TIAM1: variants seen among roughly 807,000 people sequenced by gnomAD.
TIAM1 encodes rho guanine nucleotide exchange factor TIAM1.
Under a neutral mutation model 163.5 loss-of-function variants are expected in TIAM1, and 65 were observed. The observed-to-expected ratio is 0.40, with a 90% CI of 0.33 to 0.49. The LOEUF (loss-of-function observed/expected upper bound fraction) is 0.49. TIAM1 is among the 20% of genes least tolerant of loss of function. TIAM1 has a pLI of 0.77. For missense variants in TIAM1, 1,789 were observed against 2,044.7 expected, an observed-to-expected ratio of 0.87 and a Z score of 2.41; for synonymous variants, 833 against 810.1, an observed-to-expected ratio of 1.03 and a Z score of -0.48.
At chr21:31,466,938 G>A (rs772130629) in intron 1 of TIAM1, among the ~76,000 whole-genome samples, 13 of 150,096 alleles carry the variant, frequency 8.7e-5, no homozygotes, top group South Asian at 8.4e-4. Context: ...TTTCAAAGTG[G>A]CCTTGTAATG....
intron 2 of TIAM1, among the ~76,000 whole-genome samples, chr21:31,427,888 A>G (rs1382901083): frequency 1.3e-5 from 2 of 152,190 alleles, no homozygotes; most frequent in African/African-American, 4.8e-5. Flanking sequence ...TCTTGTAGAA[A>G]GGGAACGAAA....
At chr21:31,183,842 T>C (rs1378282000) in intron 14 of TIAM1, among the ~76,000 whole-genome samples, 6 of 151,164 alleles carry the variant, frequency 4.0e-5, no homozygotes, top group Non-Finnish European at 7.4e-5. Context: ...TTACAGGCAC[T>C]CACCACCACG....
chr21:31,306,030 G>C (rs920449848), intron 2 of TIAM1, among the ~76,000 whole-genome samples: 3 of 152,138 alleles, frequency 2.0e-5, no homozygotes, highest in Non-Finnish European at 2.9e-5. Flanking sequence ...GAGCACACTT[G>C]AAGGGGTGCC....
At chr21:31,507,571 T>A (rs1007394934) in intron 1 of TIAM1, among the ~76,000 whole-genome samples, 7 of 152,138 alleles carry the variant, frequency 4.6e-5, no homozygotes, top group Admixed American at 6.5e-5. Flanking sequence ...CAAAATATGT[T>A]TTCTTTTTTA....
At chr21:31,429,805 C>T (rs927628837) in intron 2 of TIAM1, among the ~76,000 whole-genome samples, 1 of 106,130 alleles carries the variant, frequency 9.4e-6, no homozygotes, top group Non-Finnish European at 1.9e-5. Flanking sequence ...CAGACATGGG[C>T]TCCACCGCGA....
At chr21:31,536,656 G>T (rs1040053081) in intron 1 of TIAM1, among the ~76,000 whole-genome samples, 1 of 152,244 alleles carries the variant, frequency 6.6e-6, no homozygotes, top group South Asian at 2.1e-4. Flanking sequence ...GCAGAGCTGA[G>T]TGGGCAGGGC....
At chr21:31,153,607 C>A (rs2083478007) in intron 17 of TIAM1, among the ~76,000 whole-genome samples, 1 of 152,158 alleles carries the variant, frequency 6.6e-6, no homozygotes, top group African/African-American at 2.4e-5. Flanking sequence ...ACAAAGACAA[C>A]AGACCTGGCA....
chr21:31,404,812 TGTAA>T (rs1028162990), intron 2 of TIAM1, among the ~76,000 whole-genome samples: 4 of 152,250 alleles, frequency 2.6e-5, no homozygotes, highest in Non-Finnish European at 4.4e-5. Flanking sequence ...TTCAACTTCT[TGTAA>T]GTAAGTCCAC....
intron 14 of TIAM1, among the ~76,000 whole-genome samples, chr21:31,183,956 T>C (rs1475549202): frequency 6.6e-6 from 1 of 151,258 alleles, no homozygotes; most frequent in Non-Finnish European, 1.5e-5. Flanking sequence ...TTTTATTTAT[T>C]TATTTTTTCT....
intron 1 of TIAM1, among the ~76,000 whole-genome samples, chr21:31,521,940 C>A (rs139165775): frequency 6.6e-6 from 1 of 152,002 alleles, no homozygotes; most frequent in Non-Finnish European, 1.5e-5. Context: ...TGTGCCATCT[C>A]GGCTCACTGC....
intron 4 of TIAM1, among the ~76,000 whole-genome samples, chr21:31,257,818 C>G (rs764702435): frequency 2.0e-5 from 3 of 152,072 alleles, no homozygotes; most frequent in Non-Finnish European, 2.9e-5. Context: ...TACTCACGTC[C>G]CCCCTTTTAC....
At chr21:31,135,504 C>A (rs2082585059) in intron 23 of TIAM1, among the ~76,000 whole-genome samples, 1 of 152,184 alleles carries the variant, frequency 6.6e-6, no homozygotes, top group Non-Finnish European at 1.5e-5. Flanking sequence ...GCCTTAAGAC[C>A]AAACAGCAAC....
At chr21:31,557,975 G>A (rs1368190985) in intron 1 of TIAM1, among the ~76,000 whole-genome samples, 1 of 152,124 alleles carries the variant, frequency 6.6e-6, no homozygotes, top group Non-Finnish European at 1.5e-5. Flanking sequence ...CGCCGAGACG[G>A]CATCTTTCCC....
intron 2 of TIAM1, among the ~76,000 whole-genome samples, chr21:31,389,572 G>A (rs186671047): frequency 1.8e-4 from 28 of 152,302 alleles, no homozygotes; most frequent in African/African-American, 6.0e-4. Context: ...GGCAGTGGCC[G>A]GCTAGGTTGC....
At chr21:31,462,597 A>C (rs185359158) in intron 2 of TIAM1, among the ~76,000 whole-genome samples, 2 of 152,254 alleles carry the variant, frequency 1.3e-5, no homozygotes, top group East Asian at 3.9e-4. Flanking sequence ...ATTTCTCAAC[A>C]ACCACAACTC....
intron 2 of TIAM1, among the ~76,000 whole-genome samples, chr21:31,278,908 A>G (rs531508267): frequency 3.2e-4 from 48 of 152,284 alleles, no homozygotes; most frequent in African/African-American, 1.1e-3. Context: ...TTAATAAGCA[A>G]TAGCCCATTT....
At chr21:31,283,365 A>G (rs13049046) in intron 2 of TIAM1, among the ~76,000 whole-genome samples, 3,385 of 152,236 alleles carry the variant, frequency 0.022, 44 homozygotes, top group Non-Finnish European at 0.033. Context: ...CAGTGTCCAA[A>G]TCTCCCAAAT....
chr21:31,493,949 C>T (rs1283345741), intron 1 of TIAM1, among the ~76,000 whole-genome samples: 1 of 152,128 alleles, frequency 6.6e-6, no homozygotes, highest in East Asian at 1.9e-4. Flanking sequence ...GAGTGTCACT[C>T]TGTCACCCGG....
chr21:31,170,772 TCA>T (rs1491496904), intron 15 of TIAM1, among the ~76,000 whole-genome samples: 2 of 151,972 alleles, frequency 1.3e-5, no homozygotes, highest in Non-Finnish European at 2.9e-5. Flanking sequence ...GTATAGTGGC[TCA>T]CACCTGTAAT....
Sources: gnomAD v4.1 joint callset for allele counts (sites outside exome capture counted in the v4.1 genomes callset) on GRCh38, gnomAD v4.1.1 for gene constraint, MANE v1.5 for transcripts, NCBI Gene and HGNC (gene_info 2026-07-23, HGNC 2026-07-21) for gene names.